The following KLHL4 variants were observed in gnomAD, a reference collection of about 807,000 sequenced individuals.
KLHL4 encodes kelch like family member 4, also known as kelch-like protein 4.
In KLHL4, 17 loss-of-function variants were observed where a neutral mutation model predicts 45.8. That is an observed-to-expected ratio of 0.37 (90% CI 0.25 to 0.56). The LOEUF (loss-of-function observed/expected upper bound fraction) is 0.56, where lower values mean the gene tolerates loss of function less well. Ranked by LOEUF, KLHL4 falls within the 20% of genes least tolerant of loss-of-function variation. The pLI is 0.79. For missense variants in KLHL4, 544 were observed against 544.9 expected (o/e 1.00, Z 0.02); for synonymous variants, 224 against 189.9 (o/e 1.18, Z -1.47).
intron 1 of KLHL4, among the ~76,000 whole-genome samples, chrX:87,544,502 AC>A (rs1380527272): frequency 1.8e-5 from 2 of 111,061 alleles, no homozygotes; most frequent in African/African-American, 3.3e-5. Context: ...CGTGTGTGAA[AC>A]CCAGTGCTGT....
At chrX:87,556,715 AAACAG>A (rs1931985402) in intron 1 of KLHL4, among the ~76,000 whole-genome samples, 1 of 94,330 alleles carries the variant, frequency 1.1e-5, no homozygotes, top group South Asian at 5.0e-4. Context: ...AAACAAAACA[AAACAG>A]CTTCACATTG....
At chrX:87,623,710 C>A (rs1222569268) in intron 5 of KLHL4, among the ~76,000 whole-genome samples, 8 of 111,223 alleles carry the variant, frequency 7.2e-5, no homozygotes, top group Non-Finnish European at 1.5e-4. Context: ...CTGGTTATAG[C>A]AAATTTATCC....
intron 6 of KLHL4, among the ~76,000 whole-genome samples, chrX:87,627,412 C>A (rs1480027356): frequency 9.0e-6 from 1 of 111,076 alleles, no homozygotes; most frequent in Non-Finnish European, 1.9e-5. Flanking sequence ...ACATTATTTT[C>A]TTTGATATAT....
intron 1 of KLHL4, among the ~76,000 whole-genome samples, chrX:87,522,640 A>G (rs1931024970): frequency 8.9e-6 from 1 of 112,565 alleles, no homozygotes; most frequent in Non-Finnish European, 1.9e-5. Flanking sequence ...GAAATGAACT[A>G]CAATTATATA....
At position 87,566,561 on chromosome X, in the gene KLHL4, T is replaced by C. The variant is rs1932215753; in HGVS notation, c.423-47316T>C. On this transcript the variant is annotated intron_variant, in intron 1 of 10. Coordinates refer to ENST00000373119, the MANE Select transcript of KLHL4 (RefSeq NM_019117.5). Reference sequence around the variant, plus strand: ...GAAGAATATCTCATAATTTATTGAATACTCTACTGAAAGTGAAAAATAAAA... The same window carrying C: ...GAAGAATATCTCATAATTTATTGAACACTCTACTGAAAGTGAAAAATAAAA... Among the ~76,000 whole-genome samples, 3 of 111,860 alleles carry C rather than the reference T, an allele frequency of 2.7e-5. No individual in the cohort carries two copies. The South Asian group carries it at 1.1e-3, about 41-fold the overall frequency.
chrX:87,547,464 G>A (rs2147776606), intron 1 of KLHL4, among the ~76,000 whole-genome samples: 1 of 111,451 alleles, frequency 9.0e-6, no homozygotes, highest in African/African-American at 3.3e-5. Context: ...ACTCAGTCTT[G>A]AGCACTTCTT....
At chrX:87,570,767 T>A (rs1175402594) in intron 1 of KLHL4, among the ~76,000 whole-genome samples, 1 of 110,984 alleles carries the variant, frequency 9.0e-6, no homozygotes, top group Non-Finnish European at 1.9e-5. Context: ...CTTCTAAACA[T>A]CATTTTACTG....
intron 9 of KLHL4, among the ~76,000 whole-genome samples, chrX:87,662,668 A>G (rs1286337546): frequency 9.0e-6 from 1 of 111,109 alleles, no homozygotes; most frequent in Non-Finnish European, 1.9e-5. Context: ...AGTGGCTCAC[A>G]CCTATAATCC....
At chrX:87,652,988 A>G (rs1025283177) in intron 9 of KLHL4, among the ~76,000 whole-genome samples, 1 of 112,036 alleles carries the variant, frequency 8.9e-6, no homozygotes, top group Non-Finnish European at 1.9e-5. Flanking sequence ...GTGGCAAGAG[A>G]GAATCAGAGA....
chrX:87,544,827 G>A (rs1931639384), intron 1 of KLHL4, among the ~76,000 whole-genome samples: 1 of 111,554 alleles, frequency 9.0e-6, no homozygotes, highest in Non-Finnish European at 1.9e-5. Context: ...GCATTTCCAA[G>A]AAGGATGGCT....
intron 1 of KLHL4, among the ~76,000 whole-genome samples, chrX:87,530,473 A>G (rs1258968077): frequency 2.5e-5 from 2 of 81,495 alleles, no homozygotes; most frequent in Non-Finnish European, 4.4e-5. Context: ...TCCTGTGTCC[A>G]TGTGATCTCA....
intron 9 of KLHL4, among the ~76,000 whole-genome samples, chrX:87,654,000 G>T (rs994801717): frequency 9.0e-6 from 1 of 110,869 alleles, no homozygotes; most frequent in Non-Finnish European, 1.9e-5. Context: ...GGGTCGGGGA[G>T]ATCATAAGGA....
chrX:87,577,431 G>A (rs1300023606), intron 1 of KLHL4, among the ~76,000 whole-genome samples: 2 of 111,303 alleles, frequency 1.8e-5, no homozygotes, highest in Admixed American at 9.6e-5. Context: ...TGCCAAAAAT[G>A]TCAAATCCTA....
intron 1 of KLHL4, among the ~76,000 whole-genome samples, chrX:87,591,995 TC>T (rs200583560): frequency 1.1e-4 from 12 of 108,114 alleles, no homozygotes; most frequent in East Asian, 2.9e-4. Context: ...CATCCAAACT[TC>T]CCCCCCCACC....
intron 1 of KLHL4, among the ~76,000 whole-genome samples, chrX:87,547,551 G>A (rs756590588): frequency 9.0e-6 from 1 of 111,286 alleles, no homozygotes; most frequent in Non-Finnish European, 1.9e-5. Context: ...GTCCAGGCAC[G>A]GTGGCTCACA....
intron 2 of KLHL4, 35 bp from the exon 3 acceptor site, chrX:87,614,399 T>G (rs1922484701): frequency 8.5e-7 from 1 of 1,173,740 alleles, no homozygotes; most frequent in Non-Finnish European, 1.2e-6. Context: ...AATTATTGAC[T>G]CATTTAAATT....
intron 1 of KLHL4, among the ~76,000 whole-genome samples, chrX:87,549,159 C>T (rs2147777659): frequency 9.1e-6 from 1 of 109,723 alleles, no homozygotes; most frequent in African/African-American, 3.3e-5. Context: ...AATACAGAAA[C>T]TATAAGAAGA....
chrX:87,608,762 C>A (rs1922277188), intron 1 of KLHL4, among the ~76,000 whole-genome samples: 1 of 110,531 alleles, frequency 9.0e-6, no homozygotes, highest in African/African-American at 3.3e-5. Flanking sequence ...TTAGTGTACC[C>A]ATGACTTTTT....
chrX:87,581,594 A>G (rs1921281213), intron 1 of KLHL4, among the ~76,000 whole-genome samples: 1 of 112,536 alleles, frequency 8.9e-6, no homozygotes, highest in South Asian at 3.6e-4. Flanking sequence ...TGACTAAAAT[A>G]TAGAGCAGAC....
Sources: gnomAD v4.1 joint callset for allele counts (sites outside exome capture counted in the v4.1 genomes callset) on GRCh38, gnomAD v4.1.1 for gene constraint, MANE v1.5 for transcripts, NCBI Gene and HGNC (gene_info 2026-07-23, HGNC 2026-07-21) for gene names.